Variants in CUZD1 observed in about 807,000 individuals in gnomAD.
The protein encoded by CUZD1 is CUB and zona pellucida-like domain-containing protein 1.
CUZD1 carries 42 observed loss-of-function variants against 53.1 expected under a neutral mutation model. The ratio of observed to expected loss-of-function variants is 0.79; its 90% confidence interval spans 0.62 to 1.02. CUZD1 has a LOEUF of 1.02. CUZD1 is among the 50% of genes least tolerant of loss of function. CUZD1 has a pLI of 0.00. For synonymous variants in CUZD1, 238 were observed against 257.2 expected (o/e 0.93, Z 0.71); for missense variants, 670 against 715.7 (o/e 0.94, Z 0.73).
At chr10:122,839,355 C>T (rs1847301068) in intron 2 of CUZD1, 124 bp from the exon 3 acceptor site, 1 of 768,606 alleles carries the variant, frequency 1.3e-6, no homozygotes, top group African/African-American at 1.7e-5. Context: ...TCATTTAAAC[C>T]TCTCCAAGAC....
chr10:122,833,185 C>A (rs537592557), intron 8 of CUZD1, among the ~76,000 whole-genome samples: 50 of 152,224 alleles, frequency 3.3e-4, no homozygotes, highest in African/African-American at 1.2e-3. Flanking sequence ...TGCATCTGGG[C>A]AGATCTCAGG....
At chr10:122,845,291 G>A (rs1393294329) in intron 1 of CUZD1, among the ~76,000 whole-genome samples, 2 of 152,034 alleles carry the variant, frequency 1.3e-5, no homozygotes, top group African/African-American at 2.4e-5. Flanking sequence ...TGGCCAGGCT[G>A]GTCTCGAACT....
chr10:122,837,628 G>T, intron 3 of CUZD1, 74 bp from the exon 4 acceptor site: 1 of 1,353,176 alleles, frequency 7.4e-7, no homozygotes, highest in Non-Finnish European at 1.0e-6. Context: ...GTTGTGCATT[G>T]AGCTTAACAC....
In CUZD1 at chr10:122,833,852, T is replaced by TA. The variant is rs1259395394; in HGVS notation, c.1470dup (p.Met491TyrfsTer9). ...TTACACTGCAGATACACAGAGCTCATACTTCTCAAGAATTTAAAGGCATTA... is the reference window on the plus strand; with the variant it reads ...TTACACTGCAGATACACAGAGCTCATAACTTCTCAAGAATTTAAAGGCATTA... On this transcript the variant is annotated frameshift_variant, in exon 8 of 9. Coordinates refer to ENST00000392790, the MANE Select transcript of CUZD1 (RefSeq NM_022034.6). LOFTEE classifies it high-confidence loss of function. 2.5e-6 allele frequency: 4 copies of TA among 1,613,958 alleles called. No individual in the cohort carries two copies. Among genetic ancestry groups the TA allele is most frequent in the Non-Finnish European group, 3.4e-6 (4 of 1,179,962 alleles).
chr10:122,842,723 A>G (rs1344212370), intron 1 of CUZD1, among the ~76,000 whole-genome samples: 2 of 152,250 alleles, frequency 1.3e-5, no homozygotes, highest in African/African-American at 4.8e-5. Context: ...TTTAAAAGAC[A>G]CTTGATTTCT....
chr10:122,834,703 T>C lies in CUZD1; in HGVS notation c.1382+3A>G, dbSNP rs1300741764. On this transcript the variant is annotated splice_donor_region_variant and intron_variant, in intron 7 of 8. Transcript: ENST00000392790. ...TACATACATCAGTTACATTAATACA[T>C]ACCCACTCTTGATTAGGTCGTAGGT... 2 of 1,585,836 alleles carry C rather than the reference T, an allele frequency of 1.3e-6. No individual in the cohort carries two copies. Among genetic ancestry groups the C allele is most frequent in the Non-Finnish European group, 1.7e-6 (2 of 1,166,070 alleles).
Position 122,833,879 on chromosome 10 carries a change from A to G in CUZD1, c.1444T>C (p.Phe482Leu). ...CTTCTCAAGAATTTAAAGGCATTAA[A>G]CTGGAATCTCCCATAGTGTCCAAAT... Reference protein sequence around the residue: ...PLFGHYGRFQFNAFKFLRSMS... With the variant: ...PLFGHYGRFQLNAFKFLRSMS... The change falls in exon 8 of 9, where the codon TTT (phenylalanine) becomes CTT (leucine). Residue 482 changes from phenylalanine (F) to leucine (L), a missense_variant. Phe to Leu is a conservative substitution (Grantham distance 22). Transcript: ENST00000392790. 6.2e-7 allele frequency: 1 copy of G among 1,613,964 alleles called. No individual in the cohort carries two copies.
chr10:122,840,323 G>C lies in CUZD1; in HGVS notation c.233+855C>G, dbSNP rs1847320341. 3.9e-5 allele frequency among the ~76,000 whole-genome samples: 6 copies of C among 152,254 alleles called. No homozygotes were observed. In the South Asian group the frequency reaches 1.2e-3, roughly 32 times the overall value. On this transcript the variant is annotated intron_variant, in intron 2 of 8. Transcript: ENST00000392790. ...CACACTCCATTTGAATAAGACAATA[G>C]AGACTTTGGTGGTGGGGCCCAGCAG...
intron 4 of CUZD1, 162 bp from the exon 5 acceptor site, chr10:122,837,210 A>G (rs1847267820): frequency 3.6e-6 from 3 of 833,070 alleles, no homozygotes; most frequent in Admixed American, 2.9e-5. Context: ...AGTCTCTGAC[A>G]AGGACCTCAG....
At chr10:122,843,810 C>CATATATATATATATATATATATATAT (rs61634361) in intron 1 of CUZD1, among the ~76,000 whole-genome samples, 8 of 137,350 alleles carry the variant, frequency 5.8e-5, no homozygotes, top group African/African-American at 1.9e-4. Context: ...TATATACATA[C>CATATATATATATATATATATATATAT]ATATATATAT....
intron 8 of CUZD1, among the ~76,000 whole-genome samples, chr10:122,833,302 G>A (rs552900755): frequency 6.6e-6 from 1 of 151,684 alleles, no homozygotes; most frequent in African/African-American, 2.4e-5. Context: ...TGGAATGCTG[G>A]TTCATTTTGT....
intron 1 of CUZD1, among the ~76,000 whole-genome samples, chr10:122,844,351 TG>T (rs1318451422): frequency 1.3e-5 from 2 of 152,094 alleles, no homozygotes; most frequent in African/African-American, 4.8e-5. Context: ...CAGTTTCTTT[TG>T]GGGGTGAAGA....
At chr10:122,843,722 G>T (rs1276510885) in intron 1 of CUZD1, among the ~76,000 whole-genome samples, 1 of 150,932 alleles carries the variant, frequency 6.6e-6, no homozygotes, top group African/African-American at 2.4e-5. Flanking sequence ...AGAAAGTAGA[G>T]TAGTGGTTTC....
At chr10:122,833,099 G>A (rs555439591) in intron 8 of CUZD1, among the ~76,000 whole-genome samples, 1 of 152,090 alleles carries the variant, frequency 6.6e-6, no homozygotes, top group Non-Finnish European at 1.5e-5. Context: ...ACTTCTTATA[G>A]TTTTTCTTTC....
chr10:122,832,352 CA>C lies in CUZD1; in HGVS notation c.1749del (p.Val584Ter), dbSNP rs779866817. 24 of 1,614,020 alleles carry C rather than the reference CA, an allele frequency of 1.5e-5. No individual in the cohort carries two copies. The highest frequency in any genetic ancestry group is 1.9e-5 in the Non-Finnish European group (22 of 1,180,016). ...SFMVLALNVV[T>X]VATITVRHFV... ...AAATGCCTCACTGTGATTGTCGCTA[CA>C]GTCACCACATTCAGAGCTAGAACCA... On this transcript the variant is annotated frameshift_variant, in exon 9 of 9. Coordinates refer to ENST00000392790, the MANE Select transcript of CUZD1 (RefSeq NM_022034.6). LOFTEE classifies it low-confidence loss of function (END_TRUNC).
chr10:122,836,357 GGAA>G lies in CUZD1; in HGVS notation c.818-10_818-8del. 1 of 1,209,184 alleles carries G rather than the reference GGAA, an allele frequency of 8.3e-7. No homozygotes were observed. Among genetic ancestry groups the G allele is most frequent in the Non-Finnish European group, 1.0e-6 (1 of 966,430 alleles). 74.9% of individuals were successfully genotyped at this position (1,209,184 alleles called of 1,614,324 possible). ...GAAGAGCAAGTTAAAGATGCTGTCA[GGAA>G]AAAAAAAAAAAAAAGAATGGTCATG... On this transcript the variant is annotated splice_polypyrimidine_tract_variant and splice_region_variant and intron_variant, in intron 5 of 8. Transcript: ENST00000392790.
At position 122,833,760 on chromosome 10, in the gene CUZD1, TTTGCTTCTGGAGACACAACCTTGA is replaced by T. The variant is rs749233143; in HGVS notation, c.1539_1562del (p.Asn513_Ser520del). 6.2e-7 allele frequency: 1 copy of T among 1,614,032 alleles called. No individual in the cohort carries two copies. Among genetic ancestry groups the T allele is most frequent in the Non-Finnish European group, 8.5e-7 (1 of 1,179,966 alleles). On this transcript the variant is annotated inframe_deletion, in exon 8 of 9. Coordinates refer to ENST00000392790, the MANE Select transcript of CUZD1 (RefSeq NM_022034.6). ...TCCATTTATATGAAGAAATGTCTCG[TTTGCTTCTGGAGACACAACCTTGA>T]TTGCAGCGAGACTGGTGGTCACTGC...
chr10:122,841,562 G>A (rs1362575859), intron 1 of CUZD1, among the ~76,000 whole-genome samples: 5 of 152,180 alleles, frequency 3.3e-5, no homozygotes, highest in African/African-American at 4.8e-5. Flanking sequence ...ACCCGAAGAA[G>A]GATGGTTTGT....
rs1009932666 is a variant in CUZD1, at chr10:122,834,802, T to C, written c.1286A>G (p.His429Arg). 1 of 1,613,926 alleles carries C rather than the reference T, an allele frequency of 6.2e-7. No homozygotes were observed. Among genetic ancestry groups the C allele is most frequent in the Non-Finnish European group, 8.5e-7 (1 of 1,179,864 alleles). ...NQTLFVQVSL[H>R]TSDPNLVVFL... ...CACCACCAAATTTGGATCTGAGGTG[T>C]GCAGACTAACTTGAACAAAAAGAGT... The change falls in exon 7 of 9, where the codon CAC becomes CGC. Residue 429 changes from histidine to arginine, a missense_variant. Physicochemically the swap from His to Arg is conservative, Grantham distance 29. Coordinates refer to ENST00000392790, the MANE Select transcript of CUZD1 (RefSeq NM_022034.6).
Sources: allele counts gnomAD v4.1 joint callset (sites outside exome capture counted in the v4.1 genomes callset), GRCh38; gene constraint gnomAD v4.1.1; transcripts MANE v1.5; gene names NCBI Gene and HGNC (gene_info 2026-07-23, HGNC 2026-07-21).